Variants in PDE6A observed in about 807,000 individuals in gnomAD.
PDE6A encodes the protein rod cGMP-specific 3',5'-cyclic phosphodiesterase subunit alpha.
PDE6A carries 84 observed loss-of-function variants against 106.3 expected under a neutral mutation model. The ratio of observed to expected loss-of-function variants is 0.79; its 90% CI spans 0.66 to 0.95. PDE6A has a LOEUF of 0.95. Ranked by LOEUF, PDE6A falls within the 40% of genes least tolerant of loss-of-function variation. The pLI, the probability that PDE6A is intolerant of heterozygous loss-of-function variation, is 0.00. For synonymous variants in PDE6A, 394 were observed against 386.6 expected (o/e 1.02, Z -0.23); for missense variants, 1,052 against 1,084.9 (o/e 0.97, Z 0.43).
At chr5:149,907,156 G>T (rs1007067117) in intron 7 of PDE6A, among the ~76,000 whole-genome samples, 156 bp downstream of exon 7, 13 of 152,154 alleles carry the variant, frequency 8.5e-5, no homozygotes, top group Admixed American at 3.3e-4. Context: ...CATTCATTTA[G>T]ACCAGTTGCC....
intron 3 of PDE6A, 34 bp from the exon 4 acceptor site, chr5:149,931,202 G>C: frequency 6.2e-7 from 1 of 1,610,428 alleles, no homozygotes; most frequent in Non-Finnish European, 8.5e-7. Flanking sequence ...CATAGGTTTT[G>C]AGGTGCAAAG....
intron 3 of PDE6A, chr5:149,932,702 C>T: frequency 6.9e-6 from 11 of 1,588,800 alleles, no homozygotes; most frequent in Non-Finnish European, 9.5e-6. Context: ...TGCTGCCCCA[C>T]TCACCAAATG....
At chr5:149,876,472 C>T (rs1285433322) in intron 17 of PDE6A, among the ~76,000 whole-genome samples, 2 of 151,130 alleles carry the variant, frequency 1.3e-5, no homozygotes, top group African/African-American at 4.9e-5. Context: ...CCTCCCACTT[C>T]GGCCTCCCAA....
At position 149,884,796 on chromosome 5, in the gene PDE6A, G is replaced by A. The variant is rs1473275673; in HGVS notation, c.1910C>T (p.Thr637Ile). 1.2e-6 allele frequency: 2 copies of A among 1,614,088 alleles called. No individual in the cohort carries two copies. The highest frequency in any genetic ancestry group is 2.7e-5 in the African/African-American group (2 of 75,040). The change falls in exon 15 of 22, where the codon ACA (threonine) becomes ATA (isoleucine). Residue 637 changes from threonine to isoleucine, a missense_variant. Physicochemically the swap from Thr to Ile is moderately conservative, Grantham distance 89. Transcript: ENST00000255266. ...TCATCCTACCTCGTCTCTGAGCAGT[G>A]TTTTGCCAAACTCCAAGTGGTGTCT... Reference protein sequence around the residue: ...LERHHLEFGKTLLRDESLNIF... With the variant: ...LERHHLEFGKILLRDESLNIF...
At chr5:149,894,264 T>C (rs997453599) in intron 13 of PDE6A, among the ~76,000 whole-genome samples, 19 of 152,128 alleles carry the variant, frequency 1.2e-4, no homozygotes, top group Admixed American at 3.3e-4. Context: ...TTTTCTCTGA[T>C]TTTAGTACTA....
chr5:149,871,688 G>A (rs546722324), intron 17 of PDE6A, among the ~76,000 whole-genome samples: 21 of 152,290 alleles, frequency 1.4e-4, no homozygotes, highest in Admixed American at 9.8e-4. Context: ...GCCGCTGCGA[G>A]GGGATGGTTT....
intron 13 of PDE6A, among the ~76,000 whole-genome samples, chr5:149,890,856 T>G (rs910057630): frequency 1.3e-5 from 2 of 152,334 alleles, no homozygotes; most frequent in East Asian, 1.9e-4. Context: ...ATTTGGCAGA[T>G]TTTTATGCTA....
At chr5:149,906,519 C>CAAAAATAAAAAAAAAAAAAAA (rs1753189010) in intron 7 of PDE6A, among the ~76,000 whole-genome samples, 1 of 54,204 alleles carries the variant, frequency 1.8e-5, no homozygotes, top group Non-Finnish European at 4.0e-5. Context: ...GAGACACTGT[C>CAAAAATAAAAAAAAAAAAAAA]AAAAAAAAAA....
At chr5:149,928,209 C>CTATACATATATATA (rs1290202591) in intron 4 of PDE6A, among the ~76,000 whole-genome samples, 6 of 44,558 alleles carry the variant, frequency 1.3e-4, no homozygotes, top group Non-Finnish European at 1.5e-4. Flanking sequence ...ATTGTATGTG[C>CTATACATATATATA]TATATATATA....
Position 149,866,260 on chromosome 5 carries a change from T to C in PDE6A, c.2275-7A>G. ...TGTTTCTGTCCATCATGGGCTGTCA[T>C]GGGGGAGAAAGAGTTAATTGCACTG... On this transcript the variant is annotated splice_region_variant and splice_polypyrimidine_tract_variant and intron_variant, in intron 19 of 21. Coordinates refer to ENST00000255266, the MANE Select transcript of PDE6A (RefSeq NM_000440.3). 6.2e-7 allele frequency: 1 copy of C among 1,609,946 alleles called. No individual in the cohort carries two copies. The highest frequency in any genetic ancestry group is 8.5e-7 in the Non-Finnish European group (1 of 1,176,186).
chr5:149,887,816 C>T (rs891432779), intron 13 of PDE6A, among the ~76,000 whole-genome samples: 1 of 152,246 alleles, frequency 6.6e-6, no homozygotes, highest in Middle Eastern at 3.4e-3. Context: ...GCCTGCCAGG[C>T]AACAAGCCAT....
At chr5:149,884,372 ATG>A (rs1247305072) in intron 16 of PDE6A, 105 bp downstream of exon 16, 2 of 722,812 alleles carry the variant, frequency 2.8e-6, no homozygotes, top group East Asian at 2.7e-5. Flanking sequence ...ATATGTATAT[ATG>A]TGTGTATATA....
intron 17 of PDE6A, among the ~76,000 whole-genome samples, chr5:149,876,021 T>C (rs1200133923): frequency 2.0e-5 from 3 of 152,214 alleles, no homozygotes; most frequent in Admixed American, 2.0e-4. Context: ...ACATATATGC[T>C]TGAAAGTCTT....
At chr5:149,910,340 A>G (rs1397535132) in intron 6 of PDE6A, among the ~76,000 whole-genome samples, 1 of 152,268 alleles carries the variant, frequency 6.6e-6, no homozygotes, top group Admixed American at 6.5e-5. Context: ...AGGATTTTTC[A>G]TCATATCTTG....
intron 4 of PDE6A, among the ~76,000 whole-genome samples, chr5:149,923,540 TAACATAACATAACA>T (rs1753787712): frequency 2.3e-5 from 3 of 132,490 alleles, no homozygotes; most frequent in Non-Finnish European, 4.6e-5. Context: ...TAACATAACA[TAACATAACATAACA>T]TAACATAACA....
chr5:149,896,447 T>A lies in PDE6A; in HGVS notation c.1529A>T (p.Asp510Val), dbSNP rs764254020. 22 of 1,613,964 alleles carry A rather than the reference T, an allele frequency of 1.4e-5. 2 individuals carry two copies. In the South Asian group the frequency reaches 2.3e-4, roughly 17 times the overall value. The change falls in exon 12 of 22, where the codon GAC becomes GTC. Residue 510 changes from aspartate (D) to valine (V), a missense_variant. Physicochemically the swap from Asp to Val is radical, Grantham distance 152. Transcript: ENST00000255266. ...CAGCTCCAGTTCTGTTAGGGGTAAG[T>A]CACTGAAGTGAAATTTATTAATTTC... The part of the protein sequence containing the change: ...KYEINKFHFS[D>V]LPLTELELVK...
At chr5:149,906,397 A>G (rs772504898) in intron 7 of PDE6A, among the ~76,000 whole-genome samples, 1 of 151,470 alleles carries the variant, frequency 6.6e-6, no homozygotes, top group South Asian at 2.1e-4. Flanking sequence ...GTGGTGGTGC[A>G]TGCCTGTAAT....
chr5:149,940,505 C>CTTTTTTTTTTTTTTTTT (rs56930344), intron 1 of PDE6A, among the ~76,000 whole-genome samples: 2 of 142,018 alleles, frequency 1.4e-5, no homozygotes, highest in Admixed American at 7.2e-5. Context: ...TGTTTGAATC[C>CTTTTTTTTTTTTTTTTT]TTTTTTTTTT....
chr5:149,928,231 A>ATTTTTTTTTTTTTTTTT (rs1165259453), intron 4 of PDE6A, among the ~76,000 whole-genome samples: 1 of 19,744 alleles, frequency 5.1e-5, no homozygotes, highest in Admixed American at 5.8e-4. Flanking sequence ...ATATATATAT[A>ATTTTTTTTTTTTTTTTT]TTTTTTTTTT....
Sources: gnomAD v4.1 joint callset for allele counts (sites outside exome capture counted in the v4.1 genomes callset) on GRCh38, gnomAD v4.1.1 for gene constraint, MANE v1.5 for transcripts, NCBI Gene and HGNC (gene_info 2026-07-23, HGNC 2026-07-21) for gene names.